Variants in NUDT3 observed in about 807,000 individuals in gnomAD.
The protein encoded by NUDT3 is nudix hydrolase 3, also known as diphosphoinositol polyphosphate phosphohydrolase 1.
NUDT3 carries 9 observed loss-of-function variants against 23.6 expected under a neutral mutation model. That is an observed-to-expected ratio of 0.38 (90% confidence interval 0.23 to 0.66). The LOEUF (loss-of-function observed/expected upper bound fraction) is 0.66. NUDT3 is among the 30% of genes least tolerant of loss of function. The pLI is 0.52. For synonymous variants in NUDT3, 86 were observed against 82.6 expected, an observed-to-expected ratio of 1.04 and a Z score of -0.22; for missense variants, 172 against 218.5, an observed-to-expected ratio of 0.79 and a Z score of 1.34.
At chr6:34,390,095 G>A (rs191869060) in intron 1 of NUDT3, among the ~76,000 whole-genome samples, 44 of 152,054 alleles carry the variant, frequency 2.9e-4, no homozygotes, top group Non-Finnish European at 5.9e-4. Context: ...CCGAGATCAC[G>A]CCACTGCACT....
At chr6:34,325,182 A>G (rs902163081) in intron 2 of NUDT3, among the ~76,000 whole-genome samples, 6 of 152,178 alleles carry the variant, frequency 3.9e-5, no homozygotes, top group Non-Finnish European at 5.9e-5. Context: ...CACCTTCTAC[A>G]TTAAAACATG....
intron 2 of NUDT3, among the ~76,000 whole-genome samples, chr6:34,307,250 A>G (rs187586074): frequency 1.3e-5 from 2 of 152,142 alleles, no homozygotes; most frequent in East Asian, 1.9e-4. Context: ...TCTAAAAATA[A>G]TAACAATAAT....
At chr6:34,358,434 C>T (rs1764597531) in intron 1 of NUDT3, among the ~76,000 whole-genome samples, 1 of 151,956 alleles carries the variant, frequency 6.6e-6, no homozygotes, top group African/African-American at 2.4e-5. Context: ...CTGCACAGAC[C>T]TTATCTATGT....
chr6:34,290,817 C>T (rs1763410757), intron 4 of NUDT3, among the ~76,000 whole-genome samples: 1 of 149,986 alleles, frequency 6.7e-6, no homozygotes, highest in Non-Finnish European at 1.5e-5. Context: ...ATTATTGAGA[C>T]AGAGTCTCAG....
chr6:34,342,314 A>G (rs1028098813), intron 1 of NUDT3, among the ~76,000 whole-genome samples: 3 of 147,234 alleles, frequency 2.0e-5, no homozygotes, highest in African/African-American at 5.1e-5. Context: ...AAAAAAAAAA[A>G]GAGGATTGTC....
chr6:34,390,024 C>A (rs950751300), intron 1 of NUDT3, among the ~76,000 whole-genome samples: 3 of 151,028 alleles, frequency 2.0e-5, no homozygotes, highest in African/African-American at 7.3e-5. Context: ...GTAATCCCAG[C>A]TACTCGGGAG....
intron 1 of NUDT3, among the ~76,000 whole-genome samples, chr6:34,347,253 C>T (rs1764386218): frequency 1.3e-5 from 2 of 152,162 alleles, no homozygotes; most frequent in Admixed American, 6.5e-5. Flanking sequence ...GAAAAATTAC[C>T]TACTCAACAA....
chr6:34,346,295 A>G (rs1171532581), intron 1 of NUDT3, among the ~76,000 whole-genome samples: 2 of 152,238 alleles, frequency 1.3e-5, no homozygotes, highest in Non-Finnish European at 2.9e-5. Flanking sequence ...AAGAAAAAGT[A>G]GTAAAATGGG....
intron 1 of NUDT3, among the ~76,000 whole-genome samples, chr6:34,368,819 T>C (rs1224351205): frequency 6.6e-6 from 1 of 152,196 alleles, no homozygotes; most frequent in Non-Finnish European, 1.5e-5. Context: ...TTTGTATTTT[T>C]AGCAGAGACG....
intron 2 of NUDT3, 82 bp from the exon 3 acceptor site, chr6:34,295,767 A>G (rs1763490037): frequency 1.3e-6 from 2 of 1,556,662 alleles, no homozygotes; most frequent in Non-Finnish European, 1.8e-6. Flanking sequence ...CAGTTTATAA[A>G]ATAGAAACAA....
At chr6:34,368,197 T>C (rs540747255) in intron 1 of NUDT3, among the ~76,000 whole-genome samples, 6 of 152,172 alleles carry the variant, frequency 3.9e-5, no homozygotes, top group African/African-American at 7.2e-5. Context: ...CGAGACTACA[T>C]CTCAGAAAAA....
intron 2 of NUDT3, among the ~76,000 whole-genome samples, chr6:34,319,983 T>C (rs1461186300): frequency 6.6e-6 from 1 of 150,674 alleles, no homozygotes; most frequent in Non-Finnish European, 1.5e-5. Context: ...GCCAGGAACC[T>C]GAGACGAAAA....
At chr6:34,298,394 A>G (rs964138114) in intron 2 of NUDT3, among the ~76,000 whole-genome samples, 1 of 152,116 alleles carries the variant, frequency 6.6e-6, no homozygotes, top group Non-Finnish European at 1.5e-5. Flanking sequence ...AAAACACAAA[A>G]TTTCGTTTAA....
intron 1 of NUDT3, among the ~76,000 whole-genome samples, chr6:34,354,647 C>T (rs895181472): frequency 2.7e-5 from 4 of 149,910 alleles, no homozygotes; most frequent in African/African-American, 7.4e-5. Context: ...TTCTTGAACC[C>T]GGGAGGCGGA....
chr6:34,314,667 C>G (rs1763831962), intron 2 of NUDT3, among the ~76,000 whole-genome samples: 2 of 152,082 alleles, frequency 1.3e-5, no homozygotes, highest in Non-Finnish European at 2.9e-5. Flanking sequence ...TAGCATCCTC[C>G]TAACAACGGT....
At chr6:34,344,362 TA>T (rs60828165) in intron 1 of NUDT3, among the ~76,000 whole-genome samples, 2,432 of 152,162 alleles carry the variant, frequency 0.016, 66 homozygotes, top group African/African-American at 0.056. Context: ...ATTCAGCCAT[TA>T]AAAAAATGAA....
In NUDT3 at chr6:34,368,195, C is replaced by T. The variant is rs183214053; in HGVS notation, c.99+24069G>A. Among the ~76,000 whole-genome samples, 1,011 of 152,222 alleles carry T rather than the reference C, an allele frequency of 6.6e-3. 8 individuals carry two copies. The highest frequency in any genetic ancestry group is 0.031 in the Middle Eastern group (9 of 294). ...CAGCCTGGGCGACAGAGCGAGACTA[C>T]ATCTCAGAAAAAAGAAAGCTGCATC... is the stretch of plus-strand genomic sequence containing the variant. On this transcript the variant is annotated intron_variant, in intron 1 of 4. Coordinates refer to ENST00000607016, the MANE Select transcript of NUDT3 (RefSeq NM_006703.4).
chr6:34,377,711 T>C (rs1297077859), intron 1 of NUDT3, among the ~76,000 whole-genome samples: 2 of 151,646 alleles, frequency 1.3e-5, no homozygotes, highest in Non-Finnish European at 2.9e-5. Context: ...CACACACCTG[T>C]AACCCCAGCT....
intron 3 of NUDT3, 84 bp downstream of exon 3, chr6:34,295,557 A>G: frequency 6.7e-7 from 1 of 1,485,622 alleles, no homozygotes; most frequent in Non-Finnish European, 9.1e-7. Flanking sequence ...AAACTCGCTG[A>G]AACAGAAATG....
Sources: allele counts gnomAD v4.1 joint callset (sites outside exome capture counted in the v4.1 genomes callset), GRCh38; gene constraint gnomAD v4.1.1; transcripts MANE v1.5; gene names NCBI Gene and HGNC (gene_info 2026-07-23, HGNC 2026-07-21).